The following ASTN2 variants were observed in gnomAD, a reference collection of about 807,000 sequenced individuals.
ASTN2 encodes astrotactin 2.
In ASTN2, 54 loss-of-function variants were observed where a neutral mutation model predicts 139.8. The observed-to-expected ratio is 0.39, with a 90% CI of 0.31 to 0.48. ASTN2 has a LOEUF of 0.48. Among genes scored for constraint, ASTN2 ranks in the 20% least tolerant of loss-of-function variants. The probability of loss-of-function intolerance (pLI) is 0.95; values close to 1 mark genes in which losing one functional copy is unlikely to be tolerated. For synonymous variants in ASTN2, 756 were observed against 719.5 expected (o/e 1.05, Z -0.81); for missense variants, 1,565 against 1,725.1 (o/e 0.91, Z 1.64).
intron 5 of ASTN2, among the ~76,000 whole-genome samples, chr9:117,080,925 A>G (rs1828410016): frequency 6.6e-6 from 1 of 152,202 alleles, no homozygotes; most frequent in South Asian, 2.1e-4. Context: ...GAGGCCTCTG[A>G]TGCAATTTCT....
intron 10 of ASTN2, among the ~76,000 whole-genome samples, chr9:116,880,279 T>C (rs1341369487): frequency 1.3e-5 from 2 of 152,190 alleles, no homozygotes; most frequent in South Asian, 2.1e-4. Context: ...TGAAATTTCA[T>C]GAAACTCCAG....
chr9:117,340,807 G>T (rs183865544), intron 1 of ASTN2, among the ~76,000 whole-genome samples: 1 of 152,152 alleles, frequency 6.6e-6, no homozygotes, highest in African/African-American at 2.4e-5. Flanking sequence ...CTAGGACCCC[G>T]GTCCCAGTTC....
At chr9:116,607,826 T>C (rs1855293972) in intron 19 of ASTN2, among the ~76,000 whole-genome samples, 1 of 151,990 alleles carries the variant, frequency 6.6e-6, no homozygotes, top group Non-Finnish European at 1.5e-5. Context: ...CCAGGCATGG[T>C]GGCACGCACC....
At chr9:116,884,804 C>CT (rs367602605) in intron 10 of ASTN2, among the ~76,000 whole-genome samples, 3 of 45,548 alleles carry the variant, frequency 6.6e-5, no homozygotes, top group African/African-American at 6.5e-4. Context: ...CAAATATCCG[C>CT]CCCCCCCCCA....
chr9:117,075,171 C>A (rs1050850589), intron 5 of ASTN2, among the ~76,000 whole-genome samples: 28 of 152,204 alleles, frequency 1.8e-4, no homozygotes, highest in African/African-American at 6.5e-4. Context: ...AATGGAGCCC[C>A]TTCTGGGGCA....
intron 1 of ASTN2, among the ~76,000 whole-genome samples, chr9:117,394,866 G>A (rs769637595): frequency 6.6e-6 from 1 of 152,076 alleles, no homozygotes; most frequent in African/African-American, 2.4e-5. Flanking sequence ...GAGCCACTGA[G>A]GATTCCACAT....
chr9:117,267,820 T>G (rs1190215577), intron 2 of ASTN2, among the ~76,000 whole-genome samples: 1 of 152,002 alleles, frequency 6.6e-6, no homozygotes, highest in Non-Finnish European at 1.5e-5. Context: ...GGGGAGTGAT[T>G]TAGTAGTTTT....
intron 13 of ASTN2, among the ~76,000 whole-genome samples, chr9:116,804,713 T>C (rs1486217459): frequency 1.3e-5 from 2 of 152,142 alleles, no homozygotes; most frequent in African/African-American, 2.4e-5. Context: ...ACAATGATTA[T>C]TATAATGGTG....
chr9:116,505,434 C>T (rs746317292), intron 19 of ASTN2, among the ~76,000 whole-genome samples: 1 of 151,990 alleles, frequency 6.6e-6, no homozygotes, highest in Non-Finnish European at 1.5e-5. Flanking sequence ...TTAAGAAAAG[C>T]AAGGCAAAAC....
chr9:116,992,493 T>G (rs1352384739), intron 7 of ASTN2, among the ~76,000 whole-genome samples: 2 of 152,298 alleles, frequency 1.3e-5, no homozygotes, highest in Non-Finnish European at 2.9e-5. Flanking sequence ...GGTTATCACC[T>G]AAAAATGAGT....
chr9:117,173,667 A>G (rs943500436), intron 3 of ASTN2, among the ~76,000 whole-genome samples: 2 of 152,092 alleles, frequency 1.3e-5, no homozygotes, highest in Non-Finnish European at 2.9e-5. Context: ...GAATTAAACA[A>G]CATGCACGCT....
intron 20 of ASTN2, among the ~76,000 whole-genome samples, chr9:116,472,606 T>C (rs1467637814): frequency 1.3e-5 from 2 of 152,106 alleles, no homozygotes; most frequent in Non-Finnish European, 2.9e-5. Context: ...ATAGCTTGTG[T>C]TAGAATCATG....
chr9:116,668,200 T>C (rs1858986067), intron 16 of ASTN2, among the ~76,000 whole-genome samples: 2 of 149,946 alleles, frequency 1.3e-5, no homozygotes, highest in South Asian at 4.2e-4. Flanking sequence ...ATTGGCTTTT[T>C]TTTTTTTTTT....
At chr9:116,438,216 C>A (rs1276324152) in intron 22 of ASTN2, among the ~76,000 whole-genome samples, 2 of 152,204 alleles carry the variant, frequency 1.3e-5, no homozygotes, top group Non-Finnish European at 2.9e-5. Context: ...ATCACAACAG[C>A]CTCTAGAGCC....
chr9:117,393,851 G>A (rs1051480226), intron 1 of ASTN2, among the ~76,000 whole-genome samples: 6 of 152,012 alleles, frequency 3.9e-5, no homozygotes, highest in African/African-American at 1.5e-4. Flanking sequence ...TATGAAATGG[G>A]CAAGCTCTGG....
chr9:117,003,953 CGT>C lies in ASTN2; in HGVS notation c.1591+4137_1591+4138del, dbSNP rs3038371. Among the ~76,000 whole-genome samples, 486 of 145,818 alleles carry C rather than the reference CGT, an allele frequency of 3.3e-3. 2 individuals carry two copies. The highest frequency in any genetic ancestry group is 7.6e-3 in the South Asian group (35 of 4,590). On this transcript the variant is annotated intron_variant, in intron 7 of 22. Transcript: ENST00000313400. ...TGTGTTTCTTTCACGCGCGCGCGCG[CGT>C]GTGTGTGTGTGTGTGTGTGTGTTTT...
chr9:117,042,856 T>G (rs1381562748), intron 5 of ASTN2, among the ~76,000 whole-genome samples: 2 of 152,010 alleles, frequency 1.3e-5, no homozygotes, highest in Non-Finnish European at 2.9e-5. Context: ...TTTTTGTTGT[T>G]GTTGTTTTTT....
intron 6 of ASTN2, among the ~76,000 whole-genome samples, chr9:117,027,781 G>A (rs1169391218): frequency 1.3e-5 from 2 of 152,114 alleles, no homozygotes; most frequent in East Asian, 3.9e-4. Context: ...TTGCTATATA[G>A]TTATCCTAAC....
At chr9:116,844,453 G>A (rs1832364312) in intron 11 of ASTN2, among the ~76,000 whole-genome samples, 1 of 152,118 alleles carries the variant, frequency 6.6e-6, no homozygotes, top group South Asian at 2.1e-4. Flanking sequence ...GTGGCCTTTG[G>A]GGTCAAGCAA....
Sources: allele counts gnomAD v4.1 joint callset (sites outside exome capture counted in the v4.1 genomes callset), GRCh38; gene constraint gnomAD v4.1.1; transcripts MANE v1.5; gene names NCBI Gene and HGNC (gene_info 2026-07-23, HGNC 2026-07-21).